The following PPM1H variants were observed in gnomAD, a reference collection of about 807,000 sequenced individuals.
PPM1H encodes the protein protein phosphatase 1H.
In PPM1H, 27 loss-of-function variants were observed where a neutral mutation model predicts 54.9. The observed-to-expected ratio is 0.49, with a 90% CI of 0.36 to 0.68. The LOEUF is 0.68. Among genes scored for constraint, PPM1H ranks in the 30% least tolerant of loss-of-function variants. The pLI, the probability that PPM1H is intolerant of heterozygous loss-of-function variation, is 0.00. For synonymous variants in PPM1H, 305 were observed against 270.8 expected, an observed-to-expected ratio of 1.13 and a Z score of -1.24; for missense variants, 596 against 667.8, an observed-to-expected ratio of 0.89 and a Z score of 1.19.
chr12:62,764,234 T>G (rs2076527993), intron 4 of PPM1H, among the ~76,000 whole-genome samples: 1 of 152,112 alleles, frequency 6.6e-6, no homozygotes, highest in Non-Finnish European at 1.5e-5. Context: ...GGAGTCAGGA[T>G]GTGGAGGCAC....
chr12:62,900,561 G>A (rs1469755901), intron 1 of PPM1H, among the ~76,000 whole-genome samples: 1 of 123,786 alleles, frequency 8.1e-6, no homozygotes, highest in East Asian at 2.5e-4. Flanking sequence ...AATAAAGAAA[G>A]AAGGGAAGAA....
chr12:62,762,953 C>T (rs1215552591), intron 4 of PPM1H, among the ~76,000 whole-genome samples: 3 of 151,774 alleles, frequency 2.0e-5, no homozygotes, highest in African/African-American at 4.8e-5. Flanking sequence ...ATGATTCAAT[C>T]CTTCCTCTTA....
chr12:62,813,721 C>T lies in PPM1H; in HGVS notation c.412-11561G>A, dbSNP rs370873195. 9.2e-5 allele frequency among the ~76,000 whole-genome samples: 14 copies of T among 152,286 alleles called. No individual in the cohort carries two copies. The East Asian group carries it at 2.5e-3, about 27-fold the overall frequency. On this transcript the variant is annotated intron_variant, in intron 2 of 9. Coordinates refer to ENST00000228705, the MANE Select transcript of PPM1H (RefSeq NM_020700.2). ...ATCATCATCATATCTAGCCAAAATA[C>T]TCTGAAACGCTCAAGGGGAGAGTTG...
At chr12:62,893,972 A>T (rs1011591071) in intron 1 of PPM1H, among the ~76,000 whole-genome samples, 13 of 152,126 alleles carry the variant, frequency 8.5e-5, no homozygotes, top group Non-Finnish European at 5.9e-5. Flanking sequence ...GACCAGGTGG[A>T]GAGAGAGGCT....
chr12:62,861,009 T>C (rs184389841), intron 1 of PPM1H, among the ~76,000 whole-genome samples: 22 of 152,316 alleles, frequency 1.4e-4, no homozygotes, highest in Admixed American at 6.5e-4. Flanking sequence ...ACCTCCCTTC[T>C]TCTAGATAAG....
intron 2 of PPM1H, among the ~76,000 whole-genome samples, chr12:62,816,808 TG>T (rs1478860092): frequency 6.6e-6 from 1 of 151,584 alleles, no homozygotes; most frequent in Non-Finnish European, 1.5e-5. Flanking sequence ...CTTAAAGCTG[TG>T]GGAAGTCAGA....
intron 1 of PPM1H, among the ~76,000 whole-genome samples, chr12:62,867,564 ATTTTTTTTTTTTTTTTT>A (rs34772338): frequency 0.083 from 4,632 of 55,676 alleles, 465 homozygotes; most frequent in African/African-American, 0.28. Flanking sequence ...TATGAGCACT[ATTTTTTTTTTTTTTTTT>A]TTTTTTTTTT....
intron 2 of PPM1H, among the ~76,000 whole-genome samples, chr12:62,806,978 A>C (rs954226889): frequency 6.6e-6 from 1 of 152,186 alleles, no homozygotes; most frequent in Non-Finnish European, 1.5e-5. Context: ...TCCTGAGGAC[A>C]TGAGGACTAG....
intron 1 of PPM1H, among the ~76,000 whole-genome samples, chr12:62,883,349 C>T (rs1870463491): frequency 6.6e-6 from 1 of 152,064 alleles, no homozygotes; most frequent in Admixed American, 6.5e-5. Flanking sequence ...CCACCCATTA[C>T]CCCCGGGCTC....
intron 8 of PPM1H, among the ~76,000 whole-genome samples, chr12:62,687,873 G>C (rs1289916025): frequency 6.6e-6 from 1 of 151,990 alleles, no homozygotes; most frequent in Non-Finnish European, 1.5e-5. Context: ...GCCAGGCATG[G>C]TGGTGCCCAC....
intron 1 of PPM1H, among the ~76,000 whole-genome samples, chr12:62,860,416 G>C (rs1278804450): frequency 6.6e-6 from 1 of 152,102 alleles, no homozygotes; most frequent in East Asian, 1.9e-4. Context: ...AACCTTGAAA[G>C]TATACCTTTC....
At position 62,667,327 on chromosome 12, in the gene PPM1H, TA is replaced by T; in HGVS notation, c.1247del (p.Val416GlufsTer17). ...CATATTTTGAAAGATCGTAGATTCTTACCTGAAAAAAAACAAGAATACTACC... is the reference window on the plus strand; with the variant it reads ...CATATTTTGAAAGATCGTAGATTCTTCCTGAAAAAAAACAAGAATACTACC... ...IKPFLSSAPE[V>X]RIYDLSKYDH... On this transcript the variant is annotated frameshift_variant and splice_region_variant, in exon 9 of 10. Transcript: ENST00000228705. LOFTEE classifies it high-confidence loss of function. 1 of 1,579,630 alleles carries T rather than the reference TA, an allele frequency of 6.3e-7. No individual in the cohort carries two copies. The highest frequency in any genetic ancestry group is 1.2e-5 in the South Asian group (1 of 85,720).
At chr12:62,744,081 C>A (rs938091730) in intron 4 of PPM1H, among the ~76,000 whole-genome samples, 1 of 148,150 alleles carries the variant, frequency 6.7e-6, no homozygotes, top group African/African-American at 2.5e-5. Context: ...TTCATTGGGG[C>A]AAAGACTGGA....
In PPM1H at chr12:62,699,999, C is replaced by T. The variant is rs960760292; in HGVS notation, c.1074-6000G>A. Among the ~76,000 whole-genome samples the T allele has an allele frequency of 3.3e-5, 5 of 152,268 alleles. No homozygotes were observed. The South Asian group carries it at 1.0e-3, about 32-fold the overall frequency. On this transcript the variant is annotated intron_variant, in intron 6 of 9. Coordinates refer to ENST00000228705, the MANE Select transcript of PPM1H (RefSeq NM_020700.2). ...ATGCTTATAGTTCCTACATCAACCC[C>T]ATCCTTCTAGGCTGAGGCTCTCTCA...
chr12:62,898,557 C>T (rs1342718864), intron 1 of PPM1H, among the ~76,000 whole-genome samples: 1 of 152,214 alleles, frequency 6.6e-6, no homozygotes, highest in Non-Finnish European at 1.5e-5. Flanking sequence ...CAAATCACAA[C>T]ACACTTCTTA....
intron 1 of PPM1H, among the ~76,000 whole-genome samples, chr12:62,906,393 CA>C (rs1334301735): frequency 6.6e-6 from 1 of 152,184 alleles, no homozygotes; most frequent in African/African-American, 2.4e-5. Flanking sequence ...TTTCCAGTGT[CA>C]GGGGGCTCAA....
chr12:62,739,163 C>G (rs2076367666), intron 4 of PPM1H, among the ~76,000 whole-genome samples: 1 of 151,886 alleles, frequency 6.6e-6, no homozygotes, highest in South Asian at 2.1e-4. Context: ...TTATAATACT[C>G]CTTATCACTT....
intron 9 of PPM1H, among the ~76,000 whole-genome samples, chr12:62,662,668 C>T (rs1020276474): frequency 7.2e-5 from 11 of 152,266 alleles, no homozygotes; most frequent in East Asian, 5.8e-4. Flanking sequence ...AAATTCAACT[C>T]GGGAAGTAAT....
chr12:62,667,187 T>G lies in PPM1H; in HGVS notation c.1388A>C (p.Asp463Ala). The G allele has an allele frequency of 6.3e-7, 1 of 1,594,240 alleles. No homozygotes were observed. The highest frequency in any genetic ancestry group is 1.1e-5 in the South Asian group (1 of 90,082). Residue 463 changes from aspartate to alanine, a missense_variant, in exon 9 of 10, where the codon GAT (aspartate) becomes GCT (alanine). Asp to Ala is a moderately radical substitution (Grantham distance 126, BLOSUM62 -2). Around this residue, in one of 3 missense-constraint regions of PPM1H, gnomAD observed 208 missense variants for 259.5 expected, o/e 0.80. Transcript: ENST00000228705. The part of the protein sequence containing the change: ...TQFLPNCDPD[D>A]PHRYTLAAQD... ...GTAGAAATGCACAAACCTGTGAGGA[T>G]CATCTGGATCACAGTTAGGAAGAAA...
Sources: gnomAD v4.1 joint callset for allele counts (sites outside exome capture counted in the v4.1 genomes callset) on GRCh38, gnomAD v4.1.1 for gene constraint, gnomAD v4.1.1 regional missense constraint, MANE v1.5 for transcripts, NCBI Gene and HGNC (gene_info 2026-07-23, HGNC 2026-07-21) for gene names.